ZNF678: variants seen among roughly 807,000 people sequenced by gnomAD.
The protein encoded by ZNF678 is hypothetical protein MGC42493.
A neutral mutation model predicts 3.0 loss-of-function variants in ZNF678; 5 were observed. The observed-to-expected ratio is 1.69, with a 90% CI of 0.88 to 3.56. The LOEUF (loss-of-function observed/expected upper bound fraction) is 3.56, where lower values mean the gene tolerates loss of function less well. Among genes scored for constraint, ZNF678 ranks in the 30% most tolerant of loss-of-function variants. The probability of loss-of-function intolerance (pLI) is 0.00; values close to 1 mark genes in which losing one functional copy is unlikely to be tolerated. For missense variants in ZNF678, 593 were observed against 605.0 expected, an observed-to-expected ratio of 0.98 and a Z score of 0.21; for synonymous variants, 218 against 199.6, an observed-to-expected ratio of 1.09 and a Z score of -0.78.
At chr1:227,674,036 C>T (rs890276319) in intron 5 of ZNF678, among the ~76,000 whole-genome samples, 1 of 152,058 alleles carries the variant, frequency 6.6e-6, no homozygotes, top group Non-Finnish European at 1.5e-5. Flanking sequence ...GGCACACCAC[C>T]GAGGTGGCTG....
chr1:227,651,296 G>C (rs552130622), intron 3 of ZNF678, among the ~76,000 whole-genome samples: 6 of 152,194 alleles, frequency 3.9e-5, no homozygotes, highest in African/African-American at 1.4e-4. Flanking sequence ...CAGACACTTG[G>C]CCTAATACCA....
chr1:227,606,763 T>A (rs1215656953), intron 1 of ZNF678, among the ~76,000 whole-genome samples: 2 of 152,104 alleles, frequency 1.3e-5, no homozygotes, highest in South Asian at 4.1e-4. Context: ...TAATAGAGAA[T>A]GGAGAATGGC....
In ZNF678 at chr1:227,593,023, G is replaced by A. The variant is rs952034851; in HGVS notation, c.-164+29299G>A. Among the ~76,000 whole-genome samples, 13 of 152,260 alleles carry A rather than the reference G, an allele frequency of 8.5e-5. 1 individual carries two copies. Among genetic ancestry groups the A allele is most frequent in the Admixed American group, 7.2e-4 (11 of 15,294 alleles). On this transcript the variant is annotated intron_variant, in intron 1 of 3. Transcript: ENST00000343776. ...TTCTCCTTGTCGTGAGAGACACAAA[G>A]TGAACTTAGTGTTGGGAGACGGAAG... is the stretch of plus-strand genomic sequence containing the variant.
chr1:227,580,336 A>G (rs373495189), intron 1 of ZNF678, among the ~76,000 whole-genome samples: 155 of 152,192 alleles, frequency 1.0e-3, no homozygotes, highest in African/African-American at 3.6e-3. Flanking sequence ...TGCTTTTTAA[A>G]ATAAAGCAAA....
At chr1:227,668,969 C>T (rs1035739355) in intron 5 of ZNF678, among the ~76,000 whole-genome samples, 5 of 151,892 alleles carry the variant, frequency 3.3e-5, no homozygotes, top group African/African-American at 9.7e-5. Context: ...TGAAAGCAAA[C>T]CTAGAATTTA....
chr1:227,611,006 G>A (rs1658003488), intron 1 of ZNF678, among the ~76,000 whole-genome samples: 1 of 152,184 alleles, frequency 6.6e-6, no homozygotes, highest in Non-Finnish European at 1.5e-5. Flanking sequence ...AAGAAGTTCA[G>A]AATTCCTCTG....
chr1:227,585,138 G>A (rs1354697774), intron 1 of ZNF678, among the ~76,000 whole-genome samples: 1 of 152,172 alleles, frequency 6.6e-6, no homozygotes, highest in Non-Finnish European at 1.5e-5. Flanking sequence ...AGTAGTAGAA[G>A]ATGAGAAAAG....
At chr1:227,675,707 C>T (rs1659666757) in intron 5 of ZNF678, among the ~76,000 whole-genome samples, 1 of 151,882 alleles carries the variant, frequency 6.6e-6, no homozygotes, top group South Asian at 2.1e-4. Context: ...GTACACACTC[C>T]ATATCCTGGG....
At chr1:227,571,776 C>G (rs1043873513) in intron 1 of ZNF678, among the ~76,000 whole-genome samples, 2 of 152,222 alleles carry the variant, frequency 1.3e-5, no homozygotes, top group Non-Finnish European at 2.9e-5. Flanking sequence ...GGCGCGGTGG[C>G]TCATGCCTGT....
chr1:227,669,138 C>T (rs1369836101), intron 5 of ZNF678, among the ~76,000 whole-genome samples: 1 of 149,710 alleles, frequency 6.7e-6, no homozygotes, highest in Non-Finnish European at 1.5e-5. Context: ...ACAACCTACA[C>T]AATGGGAAAA....
chr1:227,601,789 T>C (rs1224335239), intron 1 of ZNF678, among the ~76,000 whole-genome samples: 1 of 152,122 alleles, frequency 6.6e-6, no homozygotes, highest in African/African-American at 2.4e-5. Flanking sequence ...GGTCTTGAAC[T>C]TCTGACCTCG....
At chr1:227,646,805 A>T (rs1244116689) in intron 2 of ZNF678, 135 bp downstream of exon 2, 2 of 783,850 alleles carry the variant, frequency 2.6e-6, no homozygotes, top group Non-Finnish European at 3.6e-6. Flanking sequence ...AAAACTTGGG[A>T]ATTTGTTGGT....
chr1:227,661,268 G>GT lies in ZNF678; in HGVS notation c.*5449dup, dbSNP rs57174230. The GT allele has an allele frequency of 4.2e-3, 625 of 149,216 alleles. 7 individuals are homozygous for GT. Among genetic ancestry groups the GT allele is most frequent in the African/African-American group, 0.014 (575 of 40,538 alleles). The allele number at this position is 149,216 out of a possible 1,614,324, so 9.2% of individuals were successfully genotyped here. A position where few individuals can be genotyped will look rare whatever the true frequency, so the allele number is the denominator to read the frequency against. On this transcript the variant is annotated 3_prime_UTR_variant, in exon 4 of 4. Transcript: ENST00000343776. ...ATATTTTGTTGAACGTGGGACCTTT[G>GT]TTTTTTTTTGTTGTTTTGTTTTGTT... is the stretch of plus-strand genomic sequence containing the variant.
intron 5 of ZNF678, among the ~76,000 whole-genome samples, chr1:227,670,833 C>T (rs1328433770): frequency 2.0e-5 from 3 of 152,174 alleles, no homozygotes; most frequent in Non-Finnish European, 4.4e-5. Context: ...CTCAGAGTCT[C>T]TATGCTTATA....
chr1:227,678,572 C>T (rs903431632), downstream of ZNF678, among the ~76,000 whole-genome samples: 18 of 152,268 alleles, frequency 1.2e-4, no homozygotes, highest in Middle Eastern at 3.4e-3. Flanking sequence ...CCATACACCC[C>T]GGGCTGATGT....
chr1:227,595,085 C>A (rs962329974), intron 1 of ZNF678, among the ~76,000 whole-genome samples: 2 of 151,904 alleles, frequency 1.3e-5, no homozygotes, highest in South Asian at 4.1e-4. Flanking sequence ...TATAGGGTTA[C>A]GGAGAATACC....
At chr1:227,674,588 ATT>A (rs1659651238) in intron 5 of ZNF678, among the ~76,000 whole-genome samples, 1 of 148,596 alleles carries the variant, frequency 6.7e-6, no homozygotes, top group African/African-American at 2.5e-5. Context: ...ATTAAATATA[ATT>A]TTTCTTTTTT....
intron 5 of ZNF678, among the ~76,000 whole-genome samples, chr1:227,670,930 C>G (rs1487037232): frequency 1.3e-5 from 2 of 151,738 alleles, no homozygotes; most frequent in Non-Finnish European, 2.9e-5. Context: ...GAATCCTTCT[C>G]ATTCCCATTT....
At chr1:227,650,603 T>C (rs1050256417) in intron 2 of ZNF678, among the ~76,000 whole-genome samples, 7 of 152,198 alleles carry the variant, frequency 4.6e-5, no homozygotes, top group African/African-American at 1.7e-4. Context: ...ATTAGTCTTC[T>C]AATTCATAAA....
Sources: gnomAD v4.1 joint callset for allele counts (sites outside exome capture counted in the v4.1 genomes callset) on GRCh38, gnomAD v4.1.1 for gene constraint, MANE v1.5 for transcripts, NCBI Gene and HGNC (gene_info 2026-07-23, HGNC 2026-07-21) for gene names.